Variants in DSC2 observed in about 807,000 individuals in gnomAD.
DSC2 encodes the protein desmocollin 2, also known as desmocollin-2.
Under a neutral mutation model 87.6 loss-of-function variants are expected in DSC2, and 51 were observed. The ratio of observed to expected loss-of-function variants is 0.58; its 90% CI spans 0.46 to 0.74. The LOEUF (loss-of-function observed/expected upper bound fraction) is 0.74. Ranked by LOEUF, DSC2 falls within the 30% of genes least tolerant of loss-of-function variation. DSC2 has a pLI of 0.00. For synonymous variants in DSC2, 383 were observed against 393.2 expected (o/e 0.97, Z 0.31); for missense variants, 1,066 against 1,089.5 (o/e 0.98, Z 0.30).
rs200802591 is a variant in DSC2, at chr18:31,086,653, G to A, written c.865C>T (p.Pro289Ser). 1.5e-5 allele frequency: 25 copies of A among 1,614,116 alleles called. No homozygotes were observed. The highest frequency in any genetic ancestry group is 2.0e-5 in the Non-Finnish European group (24 of 1,180,018). Reference protein sequence around the residue: ...RLKYSIIGQVPPSPTLFSMHP... With the variant: ...RLKYSIIGQVSPSPTLFSMHP... ...ATAGAAAATAGGGTGGGTGATGGTG[G>A]CACCTGCCCAATGATGGAGTACTTC... The change falls in exon 7 of 16, where the codon CCA (proline) becomes TCA (serine). Residue 289 changes from proline (P) to serine (S), a missense_variant. By Grantham distance (74) the Pro-to-Ser change is moderately conservative. Transcript: ENST00000280904.
At chr18:31,081,325 T>C (rs1987212320) in intron 9 of DSC2, among the ~76,000 whole-genome samples, 1 of 152,216 alleles carries the variant, frequency 6.6e-6, no homozygotes, top group South Asian at 2.1e-4. Flanking sequence ...AAAGGTTTTA[T>C]TTTATCTTGC....
chr18:31,097,294 A>G (rs1347784910), intron 1 of DSC2, among the ~76,000 whole-genome samples: 3 of 151,684 alleles, frequency 2.0e-5, no homozygotes, highest in Non-Finnish European at 4.4e-5. Context: ...TCTCAAAAAA[A>G]AAAAAAAAGA....
chr18:31,086,781 A>C, intron 6 of DSC2, 39 bp from the exon 7 acceptor site: 2 of 1,594,274 alleles, frequency 1.3e-6, no homozygotes, highest in Non-Finnish European at 1.7e-6. Context: ...CAAAACATTC[A>C]CATGTTCTAT....
At chr18:31,076,875 G>C (rs189368932) in intron 11 of DSC2, among the ~76,000 whole-genome samples, 1 of 152,080 alleles carries the variant, frequency 6.6e-6, no homozygotes, top group Non-Finnish European at 1.5e-5. Context: ...ATCGTTAATC[G>C]ACAGAACAAG....
chr18:31,070,368 T>C (rs1986782828), intron 14 of DSC2, among the ~76,000 whole-genome samples: 1 of 152,190 alleles, frequency 6.6e-6, no homozygotes, highest in Non-Finnish European at 1.5e-5. Context: ...TGCCAGAAAA[T>C]GTAAAACCAT....
Position 31,102,043 on chromosome 18 carries a change from C to T in DSC2, c.-72G>A. The stretch of plus-strand genomic sequence containing the variant: ...GGAGGGCTCCGCGGGGCGAGGGCCG[C>T]GGCCGGAGCGCAGTCTGGGCCCGCT... On this transcript the variant is annotated 5_prime_UTR_variant, in exon 1 of 16. Coordinates refer to ENST00000280904, the MANE Select transcript of DSC2 (RefSeq NM_024422.6). 1.5e-6 allele frequency: 2 copies of T among 1,294,962 alleles called. No individual in the cohort carries two copies. Among genetic ancestry groups the T allele is most frequent in the Non-Finnish European group, 2.0e-6 (2 of 998,716 alleles). 80.2% of individuals were successfully genotyped at this position (1,294,962 alleles called of 1,614,324 possible).
At position 31,089,165 on chromosome 18, in the gene DSC2, A is replaced by AG. The variant is rs1491579596; in HGVS notation, c.630+273_630+274insC. On this transcript the variant is annotated intron_variant, in intron 5 of 15. Transcript: ENST00000280904. ...GGGTGGCAAAGTGAGATGCTGTCTC[A>AG]AAAAAAAAAAAAAAAAAACTGTTCT... is the stretch of plus-strand genomic sequence containing the variant. Among the ~76,000 whole-genome samples, 28 of 23,400 alleles carry AG rather than the reference A, an allele frequency of 1.2e-3. No homozygotes were observed. In the East Asian group the frequency reaches 0.06, roughly 50 times the overall value. 15.4% of individuals were successfully genotyped at this position (23,400 alleles called of 152,430 possible). A position where few individuals can be genotyped will look rare whatever the true frequency, so the allele number is the denominator to read the frequency against.
chr18:31,101,769 C>T (rs1196706214), intron 1 of DSC2, 134 bp downstream of exon 1: 1 of 801,124 alleles, frequency 1.2e-6, no homozygotes, highest in South Asian at 1.8e-5. Flanking sequence ...CCGCCAACTC[C>T]ATTTTCTAGC....
In DSC2 at chr18:31,067,875, C is replaced by T; in HGVS notation, c.*140G>A. ...TTTATAGTGTCTCTCTGTAAATGTG[C>T]ATTTGACCAAAGAGATTCCATCCAA... On this transcript the variant is annotated 3_prime_UTR_variant, in exon 16 of 16. Coordinates refer to ENST00000280904, the MANE Select transcript of DSC2 (RefSeq NM_024422.6). 1 of 770,172 alleles carries T rather than the reference C, an allele frequency of 1.3e-6. No individual in the cohort carries two copies. Among genetic ancestry groups the T allele is most frequent in the Non-Finnish European group, 2.1e-6 (1 of 472,478 alleles). The allele number at this position is 770,172 out of a possible 1,614,324, so 47.7% of individuals were successfully genotyped here. A position where few individuals can be genotyped will look rare whatever the true frequency, so the allele number is the denominator to read the frequency against.
At chr18:31,089,209 G>A (rs1219724247) in intron 5 of DSC2, among the ~76,000 whole-genome samples, 1 of 150,022 alleles carries the variant, frequency 6.7e-6, no homozygotes, top group Non-Finnish European at 1.5e-5. Context: ...GTACTGTTGT[G>A]GGGGAAAAAA....
At chr18:31,091,297 C>T (rs1567982479) in intron 3 of DSC2, 150 bp from the exon 4 acceptor site, 2 of 833,094 alleles carry the variant, frequency 2.4e-6, no homozygotes, top group Non-Finnish European at 3.9e-6. Context: ...ATCATCAACA[C>T]TGCAAAAAGA....
At chr18:31,079,585 A>G (rs1316440992) in intron 11 of DSC2, among the ~76,000 whole-genome samples, 1 of 152,138 alleles carries the variant, frequency 6.6e-6, no homozygotes, top group African/African-American at 2.4e-5. Context: ...AATTTTCTCA[A>G]TTTTTAATAA....
At chr18:31,069,810 C>T (rs1257339832) in intron 14 of DSC2, among the ~76,000 whole-genome samples, 1 of 151,864 alleles carries the variant, frequency 6.6e-6, no homozygotes, top group African/African-American at 2.4e-5. Flanking sequence ...TGTTGTCTCA[C>T]ATATACTTAC....
rs1986467005 is a variant in DSC2 at position 31,059,810 on chromosome 18, TAATTA to T, written c.*8200_*8204del. 6.6e-6 allele frequency: 1 copy of T among 152,238 alleles called. No individual in the cohort carries two copies. 9.4% of individuals were successfully genotyped at this position (152,238 alleles called of 1,614,324 possible). On this transcript the variant is annotated 3_prime_UTR_variant, in exon 16 of 16. Transcript: ENST00000280904. ...ACTATAGTTTATGTCTTTTCCCATT[TAATTA>T]AAGTTTTCAAAATAAAATGATTGCA...
chr18:31,095,752 A>C (rs1053313890), intron 1 of DSC2, among the ~76,000 whole-genome samples: 1 of 152,154 alleles, frequency 6.6e-6, no homozygotes, highest in Non-Finnish European at 1.5e-5. Context: ...TTGTAATTTC[A>C]ACAAAGTAAG....
At chr18:31,094,560 T>G (rs1365497285) in intron 1 of DSC2, among the ~76,000 whole-genome samples, 2 of 152,240 alleles carry the variant, frequency 1.3e-5, no homozygotes, top group Non-Finnish European at 2.9e-5. Context: ...AGATTCACAT[T>G]CTTTTTTTCT....
At position 31,065,638 on chromosome 18, in the gene DSC2, G is replaced by A. The variant is rs1222878512; in HGVS notation, c.*2377C>T. The A allele has an allele frequency of 6.6e-6, 1 of 152,182 alleles. No individual in the cohort carries two copies. Among genetic ancestry groups the A allele is most frequent in the Non-Finnish European group, 1.5e-5 (1 of 68,040 alleles). 9.4% of individuals were successfully genotyped at this position (152,182 alleles called of 1,614,324 possible). A position where few individuals can be genotyped will look rare whatever the true frequency, so the allele number is the denominator to read the frequency against. ...GCAAGTGACTGCTAATGTCTAGCTG[G>A]ACAGCTAGGGAAGAAGCCAAGGAAG... On this transcript the variant is annotated 3_prime_UTR_variant, in exon 16 of 16. Coordinates refer to ENST00000280904, the MANE Select transcript of DSC2 (RefSeq NM_024422.6).
chr18:31,061,967 C>A lies in DSC2; in HGVS notation c.*6048G>T, dbSNP rs567713758. The A allele has an allele frequency of 6.6e-6, 1 of 152,316 alleles. No homozygotes were observed. Among genetic ancestry groups the A allele is most frequent in the Admixed American group, 6.5e-5 (1 of 15,288 alleles). The allele number at this position is 152,316 out of a possible 1,614,324, so 9.4% of individuals were successfully genotyped here. The stretch of plus-strand genomic sequence containing the variant: ...GATCCCCTCTCCCCAGAAAGCAAAA[C>A]ACATAGGTCTGTCCTACATGTCCTA... On this transcript the variant is annotated 3_prime_UTR_variant, in exon 16 of 16. Coordinates refer to ENST00000280904, the MANE Select transcript of DSC2 (RefSeq NM_024422.6).
intron 7 of DSC2, among the ~76,000 whole-genome samples, chr18:31,085,496 T>C (rs1339154152): frequency 1.3e-5 from 2 of 151,426 alleles, no homozygotes; most frequent in Non-Finnish European, 3.0e-5. Flanking sequence ...TAATTTAAAC[T>C]TTCCTTAGTT....
Sources: gnomAD v4.1 joint callset for allele counts (sites outside exome capture counted in the v4.1 genomes callset) on GRCh38, gnomAD v4.1.1 for gene constraint, MANE v1.5 for transcripts, NCBI Gene and HGNC (gene_info 2026-07-23, HGNC 2026-07-21) for gene names.